The following LAMA4 variants were observed in gnomAD, a reference collection of about 807,000 sequenced individuals.
The protein encoded by LAMA4 is laminin subunit alpha 4, also known as laminin subunit alpha-4.
Under a neutral mutation model 207.1 loss-of-function variants are expected in LAMA4, and 127 were observed. The observed-to-expected ratio is 0.61, with a 90% CI of 0.53 to 0.71. The LOEUF is 0.71. Among genes scored for constraint, LAMA4 ranks in the 30% least tolerant of loss-of-function variants. The probability of loss-of-function intolerance (pLI) is 0.00; values close to 1 mark genes in which losing one functional copy is unlikely to be tolerated. For synonymous variants in LAMA4, 761 were observed against 816.0 expected (o/e 0.93, Z 1.15); for missense variants, 2,093 against 2,246.5 (o/e 0.93, Z 1.38).
chr6:112,239,642 T>G lies in LAMA4; in HGVS notation c.195+14314A>C, dbSNP rs1216067006. 2.0e-5 allele frequency among the ~76,000 whole-genome samples: 3 copies of G among 152,216 alleles called. No homozygotes were observed. The East Asian group carries it at 5.8e-4, about 29-fold the overall frequency. ...CTGGGTCTGTTCCAGATCAAGTCAC[T>G]ACTACCTTGAATGGTACCTTTCAGC... is the stretch of plus-strand genomic sequence containing the variant. On this transcript the variant is annotated intron_variant, in intron 2 of 38. Coordinates refer to ENST00000230538, the MANE Select transcript of LAMA4 (RefSeq NM_001105206.3).
At chr6:112,134,873 A>G (rs1269425185) in intron 25 of LAMA4, among the ~76,000 whole-genome samples, 1 of 152,060 alleles carries the variant, frequency 6.6e-6, no homozygotes, top group Admixed American at 6.6e-5. Flanking sequence ...GATTAGACCT[A>G]TTGTTTCCTC....
At chr6:112,206,953 A>G (rs200482555) in intron 4 of LAMA4, 68 bp downstream of exon 4, 3 of 1,591,998 alleles carry the variant, frequency 1.9e-6, no homozygotes, top group South Asian at 2.2e-5. Flanking sequence ...AAGGCAAAAC[A>G]AAACAAAACA....
chr6:112,149,510 A>G (rs534357447), intron 17 of LAMA4, among the ~76,000 whole-genome samples: 6 of 152,236 alleles, frequency 3.9e-5, no homozygotes, highest in East Asian at 1.9e-4. Context: ...TCGTGGTTTT[A>G]TAAGTGTCTG....
chr6:112,114,978 C>T (rs1377533530), intron 36 of LAMA4, among the ~76,000 whole-genome samples: 1 of 151,946 alleles, frequency 6.6e-6, no homozygotes, highest in East Asian at 1.9e-4. Flanking sequence ...GAGAAAATTG[C>T]GAGAGAGGGA....
At chr6:112,160,239 C>A (rs1298103840) in intron 13 of LAMA4, among the ~76,000 whole-genome samples, 2 of 152,050 alleles carry the variant, frequency 1.3e-5, no homozygotes, top group African/African-American at 4.8e-5. Context: ...TGCAACCAGC[C>A]CCCAGCCCTT....
At chr6:112,168,016 G>A (rs536474913) in intron 12 of LAMA4, among the ~76,000 whole-genome samples, 1 of 152,122 alleles carries the variant, frequency 6.6e-6, no homozygotes, top group Admixed American at 6.5e-5. Flanking sequence ...GACCATCCTG[G>A]TGAAACCCCA....
At position 112,154,862 on chromosome 6, in the gene LAMA4, T is replaced by C. The variant is rs1780611011; in HGVS notation, c.2045A>G (p.Lys682Arg). The C allele has an allele frequency of 6.2e-7, 1 of 1,605,858 alleles. No homozygotes were observed. The highest frequency in any genetic ancestry group is 8.5e-7 in the Non-Finnish European group (1 of 1,172,638). Reference sequence around the variant, plus strand: ...GTGAAGATATTTACTAGACTCTGCCTTTGCTTGCAGTTCTCTGGCTTGATT... The same window carrying C: ...GTGAAGATATTTACTAGACTCTGCCCTTGCTTGCAGTTCTCTGGCTTGATT... ...LLNQARELQAKAESSSDEAVA... is the reference protein window; with the variant it reads ...LLNQARELQARAESSSDEAVA... Residue 682 changes from lysine (K) to arginine (R), a missense_variant, in exon 16 of 39, where the codon AAG becomes AGG. Physicochemically the swap from Lys to Arg is conservative, Grantham distance 26 (BLOSUM62 2). Around this residue, in one of 3 missense-constraint regions of LAMA4, gnomAD observed 1,704 missense variants for 1,788.4 expected, o/e 0.95. Coordinates refer to ENST00000230538, the MANE Select transcript of LAMA4 (RefSeq NM_001105206.3).
intron 2 of LAMA4, among the ~76,000 whole-genome samples, chr6:112,227,846 T>C (rs1554363018): frequency 1.3e-5 from 2 of 152,222 alleles, no homozygotes; most frequent in African/African-American, 2.4e-5. Context: ...AATTATTTTA[T>C]GCTAGCAGTA....
In LAMA4 at chr6:112,191,913, T is replaced by C. The variant is rs536713444; in HGVS notation, c.504-63A>G. 15 of 1,263,290 alleles carry C rather than the reference T, an allele frequency of 1.2e-5. No individual in the cohort carries two copies. The African/African-American group carries it at 1.9e-4, about 16-fold the overall frequency. 78.3% of individuals were successfully genotyped at this position (1,263,290 alleles called of 1,614,324 possible). A position where few individuals can be genotyped will look rare whatever the true frequency, so the allele number is the denominator to read the frequency against. On this transcript the variant is annotated intron_variant, in intron 5 of 38. Transcript: ENST00000230538. The stretch of plus-strand genomic sequence containing the variant: ...ATGGTTTTTCTTCCTTTTAATCTTC[T>C]TTCCTACAAAGAAGAAAGATGTAGT...
chr6:112,200,069 A>G (rs1381438021), intron 5 of LAMA4: 1 of 529,006 alleles, frequency 1.9e-6, no homozygotes, highest in Non-Finnish European at 3.9e-6. Context: ...TCTTTGAGCA[A>G]AAGCCATTTT....
chr6:112,114,093 A>C lies in LAMA4; in HGVS notation c.5309T>G (p.Phe1770Cys), dbSNP rs782498118. 6.2e-7 allele frequency: 1 copy of C among 1,613,782 alleles called. No individual in the cohort carries two copies. The highest frequency in any genetic ancestry group is 1.3e-5 in the African/African-American group (1 of 74,880). Residue 1770 changes from phenylalanine (F) to cysteine (C), a missense_variant, in exon 38 of 39, where the codon TTT (phenylalanine) becomes TGT (cysteine). By Grantham distance (205) the Phe-to-Cys change is radical (BLOSUM62 -2). Transcript: ENST00000230538. The stretch of plus-strand genomic sequence containing the variant: ...ACACTTACCTGGAACACCTCCAACA[A>C]ACACAGGCTCCCTGTGATCAATTGG... ...PKPIDHREPV[F>C]VGGVPESLLT...
intron 12 of LAMA4, among the ~76,000 whole-genome samples, chr6:112,170,219 G>C (rs1781632187): frequency 6.6e-6 from 1 of 152,190 alleles, no homozygotes; most frequent in Non-Finnish European, 1.5e-5. Context: ...AATAGGTCTT[G>C]CTTTTTTCTC....
In LAMA4 at chr6:112,172,684, T is replaced by C. The variant is rs1554342271; in HGVS notation, c.1478A>G (p.Asp493Gly). Residue 493 changes from aspartate (D) to glycine (G), a missense_variant, in exon 12 of 39, where the codon GAC becomes GGC. Physicochemically the swap from Asp to Gly is moderately conservative, Grantham distance 94. Around this residue, in one of 3 missense-constraint regions of LAMA4, gnomAD observed 1,704 missense variants for 1,788.4 expected, o/e 0.95. Transcript: ENST00000230538. ...AKLSDLQEALDQALNYVRDAE... is the reference protein window; with the variant it reads ...AKLSDLQEALGQALNYVRDAE... ...ATCCCTGACATAGTTAAGGGCCTGG[T>C]CAAGTGCTTCCTGGAGATCTGACAA... The C allele has an allele frequency of 6.2e-7, 1 of 1,613,934 alleles. No homozygotes were observed. Among genetic ancestry groups the C allele is most frequent in the South Asian group, 1.1e-5 (1 of 91,072 alleles).
At chr6:112,155,522 A>G in intron 15 of LAMA4, 43 bp downstream of exon 15, 1 of 1,610,298 alleles carries the variant, frequency 6.2e-7, no homozygotes, top group Non-Finnish European at 8.5e-7. Flanking sequence ...CAGAAAAGCC[A>G]GTGGGAAAGG....
In LAMA4 at chr6:112,216,613, C is replaced by A. The variant is rs1202532401; in HGVS notation, c.196-144G>T. The A allele has an allele frequency of 8.8e-6, 6 of 682,400 alleles. No individual in the cohort carries two copies. The African/African-American group carries it at 1.1e-4, about 12-fold the overall frequency. 42.3% of individuals were successfully genotyped at this position (682,400 alleles called of 1,614,324 possible). On this transcript the variant is annotated intron_variant, in intron 2 of 38. Transcript: ENST00000230538. ...TACTAAATGATACATACAAAACATA[C>A]TAAAATAAACTATTTATACTACCAT... is the stretch of plus-strand genomic sequence containing the variant.
At chr6:112,199,811 G>C (rs1158503218) in intron 5 of LAMA4, among the ~76,000 whole-genome samples, 1 of 149,534 alleles carries the variant, frequency 6.7e-6, no homozygotes, top group Non-Finnish European at 1.5e-5. Flanking sequence ...TTGAGAGATA[G>C]AGGGTGTTTT....
intron 6 of LAMA4, 126 bp from the exon 7 acceptor site, chr6:112,189,331 C>T (rs1409662458): frequency 2.8e-6 from 2 of 713,898 alleles, no homozygotes; most frequent in Admixed American, 4.0e-5. Context: ...TAATTACATT[C>T]TTCCTTCAGA....
Position 112,139,446 on chromosome 6 carries a change from G to A in LAMA4, c.3111-155C>T, listed in dbSNP as rs2072020. ...GCAAGGAAGAGATAAAGAGGTATTTGTAGGTATGTTAAATGGATTGTTTTC... is the reference window on the plus strand; with the variant it reads ...GCAAGGAAGAGATAAAGAGGTATTTATAGGTATGTTAAATGGATTGTTTTC... On this transcript the variant is annotated intron_variant, in intron 23 of 38. Coordinates refer to ENST00000230538, the MANE Select transcript of LAMA4 (RefSeq NM_001105206.3). Among the ~76,000 whole-genome samples the A allele has an allele frequency of 0.23, 34,325 of 152,186 alleles. 4,304 individuals are homozygous for A. Among genetic ancestry groups the A allele is most frequent in the South Asian group, 0.42 (2,010 of 4,828 alleles).
At chr6:112,157,609 T>A (rs1554337304) in intron 14 of LAMA4, among the ~76,000 whole-genome samples, 1 of 152,216 alleles carries the variant, frequency 6.6e-6, no homozygotes, top group Non-Finnish European at 1.5e-5. Context: ...CTTAGAATCA[T>A]GCTGGAACAC....
Sources: allele counts gnomAD v4.1 joint callset (sites outside exome capture counted in the v4.1 genomes callset), GRCh38; gene constraint gnomAD v4.1.1; regional missense constraint gnomAD v4.1.1; transcripts MANE v1.5; gene names NCBI Gene and HGNC (gene_info 2026-07-23, HGNC 2026-07-21).